The following C21orf58 variants were observed in gnomAD, a reference collection of about 807,000 sequenced individuals.
C21orf58 encodes uncharacterized protein C21orf58.
C21orf58 carries 34 observed loss-of-function variants against 35.8 expected under a neutral mutation model. That is an observed-to-expected ratio of 0.95 (90% confidence interval 0.72 to 1.26). The LOEUF (loss-of-function observed/expected upper bound fraction) is 1.26. C21orf58 is among the 50% of genes most tolerant of loss of function. The pLI, the probability that C21orf58 is intolerant of heterozygous loss-of-function variation, is 0.00. For missense variants in C21orf58, 440 were observed against 414.3 expected, an observed-to-expected ratio of 1.06 and a Z score of -0.54; for synonymous variants, 191 against 175.8, an observed-to-expected ratio of 1.09 and a Z score of -0.68.
chr21:46,318,624 C>T, intron 1 of C21orf58: 1 of 1,100,988 alleles, frequency 9.1e-7, no homozygotes, highest in Non-Finnish European at 1.1e-6. Context: ...GCAGGGAAGA[C>T]AGGGTGGGGA....
intron 5 of C21orf58, 45 bp downstream of exon 5, chr21:46,314,671 C>G: frequency 7.3e-7 from 1 of 1,360,658 alleles, no homozygotes; most frequent in Non-Finnish European, 9.8e-7. Flanking sequence ...TAATTCCGCA[C>G]CCGCCTCCCA....
intron 5 of C21orf58, among the ~76,000 whole-genome samples, chr21:46,312,405 G>A (rs1008014956): frequency 8.5e-5 from 13 of 152,074 alleles, no homozygotes; most frequent in African/African-American, 2.7e-4. Context: ...TGCAACCTCC[G>A]CCTCCCAGGT....
intron 1 of C21orf58, 123 bp from the exon 2 acceptor site, chr21:46,318,343 G>A (rs1244411848): frequency 3.2e-5 from 47 of 1,488,568 alleles, no homozygotes; most frequent in Non-Finnish European, 4.0e-5. Flanking sequence ...GAGGCCCCAG[G>A]TTGCCAGGTT....
At chr21:46,306,301 A>T (rs2082415626) in intron 6 of C21orf58, among the ~76,000 whole-genome samples, 1 of 151,812 alleles carries the variant, frequency 6.6e-6, no homozygotes, top group African/African-American at 2.4e-5. Context: ...GAGGTTCAAG[A>T]CCATCTGGCC....
chr21:46,308,262 A>C (rs2082513833), intron 6 of C21orf58, among the ~76,000 whole-genome samples: 1 of 152,096 alleles, frequency 6.6e-6, no homozygotes, highest in South Asian at 2.1e-4. Context: ...GGAGTTCGAG[A>C]CCAGCCTGGC....
intron 6 of C21orf58, among the ~76,000 whole-genome samples, chr21:46,304,746 G>T (rs1221677101): frequency 1.3e-5 from 2 of 152,168 alleles, no homozygotes; most frequent in African/African-American, 4.8e-5. Context: ...TCCTAGGCAT[G>T]CGTTCCATTA....
chr21:46,320,478 C>G (rs936315424), intron 1 of C21orf58, among the ~76,000 whole-genome samples: 14 of 137,452 alleles, frequency 1.0e-4, no homozygotes, highest in African/African-American at 3.8e-4. Flanking sequence ...CACTACTGCA[C>G]TCCATCCTGG....
At position 46,317,078 on chromosome 21, in the gene C21orf58, T is replaced by C. The variant is rs2082999322; in HGVS notation, c.370+130A>G. 2.2e-5 allele frequency: 16 copies of C among 720,290 alleles called. No individual in the cohort carries two copies. In the South Asian group the frequency reaches 2.5e-4, roughly 11 times the overall value. The allele number at this position is 720,290 out of a possible 1,614,324, so 44.6% of individuals were successfully genotyped here. On this transcript the variant is annotated intron_variant, in intron 3 of 7. Coordinates refer to ENST00000291691, the MANE Select transcript of C21orf58 (RefSeq NM_058180.5). The stretch of plus-strand genomic sequence containing the variant: ...TGTAAAGGAAAAGCGTTGAGGACAA[T>C]CTCGCCGGTACCAGGAGTGGGGGTG...
intron 6 of C21orf58, among the ~76,000 whole-genome samples, chr21:46,307,845 C>A (rs2082491888): frequency 1.3e-5 from 2 of 152,170 alleles, no homozygotes; most frequent in South Asian, 4.1e-4. Flanking sequence ...ATCAAAGCCA[C>A]AATCAACCAC....
rs149778986 is a variant in C21orf58 at position 46,318,179 on chromosome 21, C to G, written c.142G>C (p.Gly48Arg). ...AACTGCTCAGCAGGAGCCCAAGCAC[C>G]GGTGTTGCCTGCAGGGCGGGCCTTA... is the stretch of plus-strand genomic sequence containing the variant. ...GGKARPAGNT[G>R]AWAPAEQFFP... The change falls in exon 2 of 8, where the codon GGT (glycine) becomes CGT (arginine). Residue 48 changes from glycine to arginine, a missense_variant. Transcript: ENST00000291691. 4.3e-6 allele frequency: 7 copies of G among 1,612,832 alleles called. No homozygotes were observed. The highest frequency in any genetic ancestry group is 5.9e-6 in the Non-Finnish European group (7 of 1,180,034).
chr21:46,306,298 A>G (rs1331199833), intron 6 of C21orf58, among the ~76,000 whole-genome samples: 2 of 151,948 alleles, frequency 1.3e-5, no homozygotes, highest in Admixed American at 1.3e-4. Flanking sequence ...CATGAGGTTC[A>G]AGACCATCTG....
chr21:46,318,127 T>C lies in C21orf58; in HGVS notation c.194A>G (p.Glu65Gly). Residue 65 changes from glutamate (E) to glycine (G), a missense_variant, in exon 2 of 8, where the codon GAG becomes GGG. By Grantham distance (98) the Glu-to-Gly change is moderately conservative. Transcript: ENST00000291691. ...QFFPASNRTREGGGLWPPLPL... is the reference protein window; with the variant it reads ...QFFPASNRTRGGGGLWPPLPL... ...CAGGGGAGGCCACAGCCCACCTCCCTCCCTGGTTCTGTTACTCGCAGGAAA... is the reference window on the plus strand; with the variant it reads ...CAGGGGAGGCCACAGCCCACCTCCCCCCCTGGTTCTGTTACTCGCAGGAAA... The C allele has an allele frequency of 1.2e-6, 2 of 1,613,006 alleles. No individual in the cohort carries two copies. The highest frequency in any genetic ancestry group is 1.7e-6 in the Non-Finnish European group (2 of 1,179,988).
intron 1 of C21orf58, 132 bp from the exon 2 acceptor site, chr21:46,318,352 T>G: frequency 4.1e-6 from 6 of 1,478,156 alleles, no homozygotes; most frequent in Non-Finnish European, 5.4e-6. Context: ...GGTTGCCAGG[T>G]TTCCACTGTG....
intron 5 of C21orf58, among the ~76,000 whole-genome samples, chr21:46,312,640 G>A (rs939158782): frequency 2.0e-5 from 3 of 152,202 alleles, no homozygotes; most frequent in African/African-American, 7.2e-5. Context: ...AAAGTGCTGG[G>A]ATTACAGGCA....
In C21orf58 at chr21:46,301,883, A is replaced by G; in HGVS notation, c.*116T>C. 1 of 1,333,238 alleles carries G rather than the reference A, an allele frequency of 7.5e-7. No homozygotes were observed. The highest frequency in any genetic ancestry group is 9.6e-7 in the Non-Finnish European group (1 of 1,045,350). 82.6% of individuals were successfully genotyped at this position (1,333,238 alleles called of 1,614,324 possible). A position where few individuals can be genotyped will look rare whatever the true frequency, so the allele number is the denominator to read the frequency against. On this transcript the variant is annotated 3_prime_UTR_variant, in exon 8 of 8. Coordinates refer to ENST00000291691, the MANE Select transcript of C21orf58 (RefSeq NM_058180.5). ...GCCTGCAGTCCACACTCGCGTAGCC[A>G]CTCCGGGTGGTGGCAGGGTCTCTCC...
chr21:46,301,607 T>G lies in C21orf58; in HGVS notation c.*392A>C. 9.8e-7 allele frequency: 1 copy of G among 1,016,400 alleles called. No homozygotes were observed. The highest frequency in any genetic ancestry group is 1.2e-6 in the Non-Finnish European group (1 of 850,898). 63.0% of individuals were successfully genotyped at this position (1,016,400 alleles called of 1,614,324 possible). A position where few individuals can be genotyped will look rare whatever the true frequency, so the allele number is the denominator to read the frequency against. On this transcript the variant is annotated 3_prime_UTR_variant, in exon 8 of 8. Transcript: ENST00000291691. ...CTGAGCTGAGATTTTCTTAAACTCT[T>G]TCTGGATGAAATCTTTATTTCATCA...
At chr21:46,318,553 G>A (rs528854835) in intron 1 of C21orf58, 632 of 1,229,170 alleles carry the variant, frequency 5.1e-4, no homozygotes, top group Non-Finnish European at 5.4e-4. Context: ...AGGGGAGGGC[G>A]CCCCACCTGT....
chr21:46,300,795 C>T (rs374393630), downstream of C21orf58: 26 of 1,288,424 alleles, frequency 2.0e-5, no homozygotes, highest in East Asian at 1.0e-3. Context: ...AGAATCTGTC[C>T]TAATAGGGGG....
At chr21:46,302,388 T>C (rs1266210439) in intron 7 of C21orf58, 97 bp downstream of exon 7, 12 of 1,115,186 alleles carry the variant, frequency 1.1e-5, no homozygotes, top group Non-Finnish European at 1.4e-5. Context: ...GAGCCAGGAA[T>C]GCCCTTTCAG....
Sources: allele counts gnomAD v4.1 joint callset (sites outside exome capture counted in the v4.1 genomes callset), GRCh38; gene constraint gnomAD v4.1.1; transcripts MANE v1.5; gene names NCBI Gene and HGNC (gene_info 2026-07-23, HGNC 2026-07-21).